BAIAP2: variants seen among roughly 807,000 people sequenced by gnomAD.
BAIAP2 encodes the protein BAR/IMD domain containing adaptor protein 2.
BAIAP2 carries 18 observed loss-of-function variants against 63.0 expected under a neutral mutation model. The observed-to-expected ratio is 0.29, with a 90% CI of 0.20 to 0.42. BAIAP2 has a LOEUF of 0.42. BAIAP2 is among the 10% of genes least tolerant of loss of function. BAIAP2 has a pLI of 1.00. For missense variants in BAIAP2, 610 were observed against 734.3 expected, an observed-to-expected ratio of 0.83 and a Z score of 1.96; for synonymous variants, 386 against 307.6, an observed-to-expected ratio of 1.25 and a Z score of -2.67.
chr17:81,071,614 G>A (rs148098679), intron 3 of BAIAP2, among the ~76,000 whole-genome samples: 1 of 152,228 alleles, frequency 6.6e-6, no homozygotes, highest in Non-Finnish European at 1.5e-5. Flanking sequence ...GTGTTTCTGT[G>A]CCCTCAGTGT....
intron 3 of BAIAP2, among the ~76,000 whole-genome samples, chr17:81,061,636 G>C (rs760023395): frequency 6.6e-6 from 1 of 152,214 alleles, no homozygotes; most frequent in South Asian, 2.1e-4. Flanking sequence ...GGGTCCTGTT[G>C]TGCGGAGGTG....
At chr17:81,113,103 C>T (rs1157850192) in intron 13 of BAIAP2, among the ~76,000 whole-genome samples, 7 of 152,182 alleles carry the variant, frequency 4.6e-5, no homozygotes, top group South Asian at 2.1e-4. Flanking sequence ...GTCTCCCCTG[C>T]GGCCTTGCTT....
intron 13 of BAIAP2, among the ~76,000 whole-genome samples, chr17:81,115,075 C>A (rs555629638): frequency 2.0e-5 from 3 of 152,262 alleles, no homozygotes; most frequent in African/African-American, 7.2e-5. Context: ...CCCTCTCATC[C>A]GTGCTCATCT....
At chr17:81,093,945 C>A (rs2057237453) in intron 6 of BAIAP2, among the ~76,000 whole-genome samples, 1 of 150,890 alleles carries the variant, frequency 6.6e-6, no homozygotes, top group African/African-American at 2.4e-5. Flanking sequence ...CCCCCCACCA[C>A]CCCCGTGAGG....
At chr17:81,104,482 G>C in intron 9 of BAIAP2, 32 bp from the exon 10 acceptor site, 1 of 1,559,510 alleles carries the variant, frequency 6.4e-7, no homozygotes, top group African/African-American at 1.4e-5. Context: ...CCAGCCAGGG[G>C]CAGTCCCCTT....
At chr17:81,092,081 G>A (rs1428608938) in intron 6 of BAIAP2, among the ~76,000 whole-genome samples, 1 of 152,248 alleles carries the variant, frequency 6.6e-6, no homozygotes, top group Non-Finnish European at 1.5e-5. Flanking sequence ...CTGTGTCATT[G>A]TCAGATGTGG....
intron 8 of BAIAP2, 81 bp downstream of exon 8, chr17:81,103,804 C>T (rs1239133572): frequency 6.3e-7 from 1 of 1,580,732 alleles, no homozygotes; most frequent in Middle Eastern, 1.9e-4. Flanking sequence ...CGCCAGGGTG[C>T]AGAGTCCAGG....
At position 81,103,473 on chromosome 17, in the gene BAIAP2, C is replaced by T. The variant is rs371777908; in HGVS notation, c.643-29C>T. On this transcript the variant is annotated intron_variant, in intron 7 of 13. Coordinates refer to ENST00000428708, the MANE Select transcript of BAIAP2 (RefSeq NM_001144888.2). ...CTGCAGGAGACTGAGCCGGCCCTGACCCCTCCCTTCCTGCTGCTTCCACTT... is the reference window on the plus strand; with the variant it reads ...CTGCAGGAGACTGAGCCGGCCCTGATCCCTCCCTTCCTGCTGCTTCCACTT... 383 of 1,537,756 alleles carry T rather than the reference C, an allele frequency of 2.5e-4. 1 individual carries two copies. The African/African-American group carries it at 4.1e-3, about 16-fold the overall frequency.
At chr17:81,112,849 G>A (rs769559593) in intron 13 of BAIAP2, among the ~76,000 whole-genome samples, 2 of 152,030 alleles carry the variant, frequency 1.3e-5, no homozygotes, top group Non-Finnish European at 1.5e-5. Flanking sequence ...CCAGGGGTTC[G>A]AGATCAGCCT....
At chr17:81,114,205 T>C (rs1261501801) in intron 13 of BAIAP2, among the ~76,000 whole-genome samples, 1 of 148,360 alleles carries the variant, frequency 6.7e-6, no homozygotes, top group Non-Finnish European at 1.5e-5. Flanking sequence ...ACTCCAGGGC[T>C]CAAGTGGTTC....
At chr17:81,088,333 G>A (rs554142533) in intron 6 of BAIAP2, among the ~76,000 whole-genome samples, 2 of 152,342 alleles carry the variant, frequency 1.3e-5, no homozygotes, top group South Asian at 4.1e-4. Context: ...GGGGGTCCAG[G>A]AGCTTGAGCT....
intron 9 of BAIAP2, 33 bp downstream of exon 9, chr17:81,104,141 C>T (rs763047662): frequency 2.5e-5 from 40 of 1,609,064 alleles, no homozygotes; most frequent in Non-Finnish European, 3.2e-5. Context: ...GGGCTGGGGT[C>T]CCTGGACGTG....
At chr17:81,064,067 C>G (rs1475308530) in intron 3 of BAIAP2, among the ~76,000 whole-genome samples, 2 of 152,244 alleles carry the variant, frequency 1.3e-5, no homozygotes, top group Non-Finnish European at 1.5e-5. Context: ...CACCCGGGCC[C>G]CTCTGGGTGT....
intron 6 of BAIAP2, 123 bp downstream of exon 6, chr17:81,086,703 G>A (rs968417718): frequency 8.5e-7 from 1 of 1,172,898 alleles, no homozygotes; most frequent in Non-Finnish European, 1.2e-6. Context: ...GAGGCAGGCT[G>A]TGTGTCCCTG....
intron 1 of BAIAP2, among the ~76,000 whole-genome samples, chr17:81,048,907 C>T (rs1003383173): frequency 8.5e-5 from 13 of 152,228 alleles, no homozygotes; most frequent in Non-Finnish European, 1.2e-4. Flanking sequence ...TCGCGGCATG[C>T]GTCCTATGAG....
chr17:81,082,369 T>C (rs528683678), intron 3 of BAIAP2, among the ~76,000 whole-genome samples: 20 of 152,294 alleles, frequency 1.3e-4, no homozygotes, highest in African/African-American at 4.6e-4. Flanking sequence ...TTCCTCACGC[T>C]GAATCCCTCT....
intron 3 of BAIAP2, among the ~76,000 whole-genome samples, chr17:81,070,066 C>T (rs891041933): frequency 1.3e-5 from 2 of 152,166 alleles, no homozygotes; most frequent in African/African-American, 4.8e-5. Flanking sequence ...CTCAAGCGAT[C>T]CTCCCACCTC....
chr17:81,049,654 G>A (rs1598519297), intron 1 of BAIAP2, among the ~76,000 whole-genome samples: 1 of 152,218 alleles, frequency 6.6e-6, no homozygotes, highest in East Asian at 1.9e-4. Flanking sequence ...AAGCCACGTC[G>A]GTGTGGCTGA....
intron 13 of BAIAP2, chr17:81,109,196 CCT>C (rs1256240779): frequency 2.1e-5 from 30 of 1,406,964 alleles, no homozygotes; most frequent in Middle Eastern, 1.8e-4. Flanking sequence ...CCCCCCCTCC[CCT>C]GTGTTTACGC....
Sources: allele counts gnomAD v4.1 joint callset (sites outside exome capture counted in the v4.1 genomes callset), GRCh38; gene constraint gnomAD v4.1.1; transcripts MANE v1.5; gene names NCBI Gene and HGNC (gene_info 2026-07-23, HGNC 2026-07-21).